FHIT: variants seen among roughly 807,000 people sequenced by gnomAD.
FHIT encodes the protein fragile histidine triad diadenosine triphosphatase.
Under a neutral mutation model 17.9 loss-of-function variants are expected in FHIT, and 19 were observed. The ratio of observed to expected loss-of-function variants is 1.06; its 90% CI spans 0.74 to 1.56. The LOEUF (loss-of-function observed/expected upper bound fraction) is 1.56. FHIT is among the 40% of genes most tolerant of loss of function. The pLI is 0.00. For missense variants in FHIT, 248 were observed against 189.2 expected, an observed-to-expected ratio of 1.31 and a Z score of -1.82; for synonymous variants, 81 against 69.7, an observed-to-expected ratio of 1.16 and a Z score of -0.81.
intron 3 of FHIT, among the ~76,000 whole-genome samples, chr3:60,934,143 T>G (rs1172307473): frequency 2.6e-5 from 4 of 152,142 alleles, no homozygotes; most frequent in African/African-American, 9.7e-5. Context: ...AATAAGTACG[T>G]TGGTTACCCA....
chr3:60,170,330 A>T (rs1429773270), intron 5 of FHIT, among the ~76,000 whole-genome samples: 1 of 152,186 alleles, frequency 6.6e-6, no homozygotes, highest in Non-Finnish European at 1.5e-5. Flanking sequence ...GATTCCCAAC[A>T]ATATATGATT....
At chr3:60,339,728 G>T (rs1046131876) in intron 5 of FHIT, among the ~76,000 whole-genome samples, 1 of 152,084 alleles carries the variant, frequency 6.6e-6, no homozygotes, top group African/African-American at 2.4e-5. Context: ...TAACTACATC[G>T]TGCTTCGGAA....
At chr3:59,873,731 G>T (rs369025748) in intron 8 of FHIT, among the ~76,000 whole-genome samples, 1 of 152,096 alleles carries the variant, frequency 6.6e-6, no homozygotes, top group African/African-American at 2.4e-5. Context: ...GGGGAGAAGA[G>T]TCGAAAAGAA....
chr3:61,183,765 C>T (rs1313152979), intron 2 of FHIT, among the ~76,000 whole-genome samples: 1 of 152,018 alleles, frequency 6.6e-6, no homozygotes, highest in Non-Finnish European at 1.5e-5. Flanking sequence ...TGTCACACCA[C>T]ATGCTTTCAT....
intron 5 of FHIT, among the ~76,000 whole-genome samples, chr3:60,135,830 G>A (rs1037746449): frequency 6.6e-6 from 1 of 152,004 alleles, no homozygotes; most frequent in Admixed American, 6.6e-5. Flanking sequence ...AAGAATTTGG[G>A]GCAAAATGGA....
At chr3:60,926,943 T>G (rs1707652175) in intron 3 of FHIT, among the ~76,000 whole-genome samples, 1 of 152,110 alleles carries the variant, frequency 6.6e-6, no homozygotes, top group East Asian at 1.9e-4. Context: ...GCAAATAAAC[T>G]ACAAAATCTA....
At chr3:60,659,346 T>C (rs1553690488) in intron 4 of FHIT, among the ~76,000 whole-genome samples, 1 of 152,118 alleles carries the variant, frequency 6.6e-6, no homozygotes, top group Non-Finnish European at 1.5e-5. Context: ...TTTTGGCCAT[T>C]ATGTCTCCAA....
intron 5 of FHIT, among the ~76,000 whole-genome samples, chr3:60,197,455 A>T (rs1702700739): frequency 6.6e-6 from 1 of 152,230 alleles, no homozygotes; most frequent in Non-Finnish European, 1.5e-5. Context: ...TATTTATTTT[A>T]ACAGTACTGG....
At chr3:59,990,657 C>T (rs1709186214) in intron 7 of FHIT, among the ~76,000 whole-genome samples, 1 of 151,976 alleles carries the variant, frequency 6.6e-6, no homozygotes, top group Non-Finnish European at 1.5e-5. Flanking sequence ...TAATAATCCA[C>T]ACCAGCCAAA....
chr3:61,016,361 C>T (rs2032106498), intron 3 of FHIT, among the ~76,000 whole-genome samples: 1 of 152,062 alleles, frequency 6.6e-6, no homozygotes, highest in South Asian at 2.1e-4. Flanking sequence ...AAATAAGTAC[C>T]ACGTTGTCAA....
chr3:60,325,554 T>C (rs1038780624), intron 5 of FHIT, among the ~76,000 whole-genome samples: 1 of 152,248 alleles, frequency 6.6e-6, no homozygotes, highest in Non-Finnish European at 1.5e-5. Context: ...GTTGGGTTTT[T>C]AAACTCTTCT....
intron 2 of FHIT, among the ~76,000 whole-genome samples, chr3:61,053,612 C>A (rs1004942682): frequency 2.0e-5 from 3 of 151,964 alleles, no homozygotes; most frequent in South Asian, 4.2e-4. Context: ...GAGCCTAGAT[C>A]GTGCCATTGC....
intron 7 of FHIT, among the ~76,000 whole-genome samples, chr3:59,935,833 A>G (rs559846588): frequency 6.6e-6 from 1 of 152,280 alleles, no homozygotes; most frequent in African/African-American, 2.4e-5. Context: ...AGCTTGCTTA[A>G]AAGAAGAAAT....
At chr3:59,887,899 T>G (rs190429482) in intron 8 of FHIT, among the ~76,000 whole-genome samples, 12 of 152,342 alleles carry the variant, frequency 7.9e-5, no homozygotes, top group Admixed American at 6.5e-4. Flanking sequence ...CCCTGGATTT[T>G]ATGCAGAAAG....
At chr3:60,599,688 A>AAAC (rs782155927) in intron 4 of FHIT, among the ~76,000 whole-genome samples, 45 of 151,700 alleles carry the variant, frequency 3.0e-4, no homozygotes, top group Non-Finnish European at 5.0e-4. Flanking sequence ...ACAAGTTAAA[A>AAAC]AAAAAAAAAG....
chr3:60,907,154 A>C (rs1174876360), intron 3 of FHIT, among the ~76,000 whole-genome samples: 6 of 152,164 alleles, frequency 3.9e-5, no homozygotes, highest in Non-Finnish European at 8.8e-5. Flanking sequence ...ACAAAAAAAA[A>C]CCTTAAAAAT....
chr3:59,927,808 G>T (rs1705748767), intron 7 of FHIT, among the ~76,000 whole-genome samples: 1 of 151,988 alleles, frequency 6.6e-6, no homozygotes, highest in African/African-American at 2.4e-5. Flanking sequence ...AAACTTAACT[G>T]CAGTGGGTTT....
At chr3:60,908,803 G>C (rs1025452184) in intron 3 of FHIT, among the ~76,000 whole-genome samples, 9 of 150,988 alleles carry the variant, frequency 6.0e-5, no homozygotes, top group African/African-American at 1.7e-4. Flanking sequence ...AACACACAAA[G>C]AGAAGCTGTA....
At chr3:60,259,624 C>T (rs1706192691) in intron 5 of FHIT, among the ~76,000 whole-genome samples, 1 of 152,084 alleles carries the variant, frequency 6.6e-6, no homozygotes, top group South Asian at 2.1e-4. Context: ...AGAGTAACTC[C>T]AGGAGCTAAG....
Sources: allele counts gnomAD v4.1 joint callset (sites outside exome capture counted in the v4.1 genomes callset), GRCh38; gene constraint gnomAD v4.1.1; transcripts MANE v1.5; gene names NCBI Gene and HGNC (gene_info 2026-07-23, HGNC 2026-07-21).